AKIP1: variants seen among roughly 807,000 people sequenced by gnomAD.
AKIP1 encodes A-kinase-interacting protein 1.
Under a neutral mutation model 22.3 loss-of-function variants are expected in AKIP1, and 18 were observed. The ratio of observed to expected loss-of-function variants is 0.81; its 90% confidence interval spans 0.56 to 1.19. The LOEUF is 1.19. Among genes scored for constraint, AKIP1 ranks in the 50% most tolerant of loss-of-function variants. The probability of loss-of-function intolerance (pLI) is 0.00; values close to 1 mark genes in which losing one functional copy is unlikely to be tolerated. For synonymous variants in AKIP1, 120 were observed against 102.7 expected (o/e 1.17, Z -1.02); for missense variants, 287 against 264.6 (o/e 1.08, Z -0.59).
chr11:8,912,448 AAT>A lies in AKIP1; in HGVS notation c.223-3_223-2del. 3 of 1,612,570 alleles carry A rather than the reference AAT, an allele frequency of 1.9e-6. No individual in the cohort carries two copies. Among genetic ancestry groups the A allele is most frequent in the Non-Finnish European group, 2.5e-6 (3 of 1,178,550 alleles). ...TAACCTGTGACGTGCCATTTATTCA[AAT>A]AGAGAGAAGAGAGACCCCCAACCCT... is the stretch of plus-strand genomic sequence containing the variant. On this transcript the variant is annotated splice_polypyrimidine_tract_variant and splice_region_variant and intron_variant, in intron 2 of 5. Transcript: ENST00000309377.
intron 5 of AKIP1, chr11:8,917,606 G>C (rs2064506693): frequency 1.9e-6 from 1 of 533,092 alleles, no homozygotes; most frequent in Non-Finnish European, 3.4e-6. Flanking sequence ...AGTTGTGGTT[G>C]GAAAGAATGT....
At position 8,911,225 on chromosome 11, in the gene AKIP1, T is replaced by C. The variant is rs768073181; in HGVS notation, c.-7+2T>C. The C allele has an allele frequency of 4.9e-5, 27 of 545,922 alleles. No individual in the cohort carries two copies. The highest frequency in any genetic ancestry group is 8.4e-5 in the Non-Finnish European group (26 of 308,430). 33.8% of individuals were successfully genotyped at this position (545,922 alleles called of 1,614,324 possible). A position where few individuals can be genotyped will look rare whatever the true frequency, so the allele number is the denominator to read the frequency against. On this transcript the variant is annotated splice_donor_variant, in intron 1 of 5. Coordinates refer to ENST00000309377, the MANE Select transcript of AKIP1 (RefSeq NM_020642.4). LOFTEE classifies it low-confidence loss of function (5UTR_SPLICE). ...CATGCGCCTTGACGAGTGAGCCGGG[T>C]GAGGGGGCTCCCTAAGTAGCGGAAG...
Position 8,912,437 on chromosome 11 carries a change from C to T in AKIP1, c.223-16C>T, listed in dbSNP as rs758649557. ...AATCCTAGAGCTAACCTGTGACGTG[C>T]CATTTATTCAAATAGAGAGAAGAGA... On this transcript the variant is annotated splice_polypyrimidine_tract_variant and intron_variant, in intron 2 of 5. Coordinates refer to ENST00000309377, the MANE Select transcript of AKIP1 (RefSeq NM_020642.4). The T allele has an allele frequency of 4.5e-5, 73 of 1,604,974 alleles. No homozygotes were observed. The Middle Eastern group carries it at 6.6e-4, about 14-fold the overall frequency.
At position 8,919,730 on chromosome 11, in the gene AKIP1, G is replaced by C. The variant is rs977079691; in HGVS notation, c.*250G>C. ...CGGCTCACTGCAAGTTCCGCCTCCC[G>C]GGTTCACACCATTCTCCTGCCTCAG... On this transcript the variant is annotated 3_prime_UTR_variant, in exon 6 of 6. Coordinates refer to ENST00000309377, the MANE Select transcript of AKIP1 (RefSeq NM_020642.4). 1 of 338,622 alleles carries C rather than the reference G, an allele frequency of 3.0e-6. No homozygotes were observed. Among genetic ancestry groups the C allele is most frequent in the Admixed American group, 4.5e-5 (1 of 22,258 alleles). The allele number at this position is 338,622 out of a possible 1,614,324, so 21.0% of individuals were successfully genotyped here. A position where few individuals can be genotyped will look rare whatever the true frequency, so the allele number is the denominator to read the frequency against.
At chr11:8,911,781 A>T in intron 2 of AKIP1, 110 bp downstream of exon 2, 2 of 1,104,254 alleles carry the variant, frequency 1.8e-6, no homozygotes, top group Non-Finnish European at 2.5e-6. Flanking sequence ...CCTTAGCGGA[A>T]GCTGGAAAGG....
Position 8,916,777 on chromosome 11 carries a change from C to T in AKIP1, c.409-510C>T, listed in dbSNP as rs1459907654. On this transcript the variant is annotated intron_variant, in intron 4 of 5. Coordinates refer to ENST00000309377, the MANE Select transcript of AKIP1 (RefSeq NM_020642.4). ...GAACTCTTACCTAAACGCACCTGAC[C>T]CTAAAGGGTGCACTTAGGTACATGT... Among the ~76,000 whole-genome samples, 5 of 152,120 alleles carry T rather than the reference C, an allele frequency of 3.3e-5. 1 individual carries two copies. Among genetic ancestry groups the T allele is most frequent in the Admixed American group, 2.0e-4 (3 of 15,276 alleles).
At position 8,911,532 on chromosome 11, in the gene AKIP1, T is replaced by G; in HGVS notation, c.83T>G (p.Val28Gly). The G allele has an allele frequency of 6.2e-7, 1 of 1,610,454 alleles. No homozygotes were observed. The highest frequency in any genetic ancestry group is 8.5e-7 in the Non-Finnish European group (1 of 1,178,702). The change falls in exon 2 of 6, where the codon GTG becomes GGG. Residue 28 changes from valine to glycine, a missense_variant. Coordinates refer to ENST00000309377, the MANE Select transcript of AKIP1 (RefSeq NM_020642.4). ...LQRSARLALE[V>G]LERAKRRAVD... ...CGTTCAGCAAGGCTGGCTCTAGAAGTGCTGGAGAGGGCCAAGAGGAGGGCG... is the reference window on the plus strand; with the variant it reads ...CGTTCAGCAAGGCTGGCTCTAGAAGGGCTGGAGAGGGCCAAGAGGAGGGCG...
In AKIP1 at chr11:8,919,342, G is replaced by C. The variant is rs528909729; in HGVS notation, c.495G>C (p.Glu165Asp). 2.0e-4 allele frequency: 325 copies of C among 1,612,280 alleles called. 3 individuals carry two copies. The South Asian group carries it at 3.2e-3, about 16-fold the overall frequency. The part of the protein sequence containing the change: ...EHAPEASQPA[E>D]NISKDLYIEV... ...ATATCCTCTTTTCCTTCTAGGCTGA[G>C]AACATCTCTAAGGACCTCTACATAG... Residue 165 changes from glutamate to aspartate, a missense_variant, in exon 6 of 6, where the codon GAG (glutamate) becomes GAC (aspartate). Coordinates refer to ENST00000309377, the MANE Select transcript of AKIP1 (RefSeq NM_020642.4).
At chr11:8,914,753 C>T in intron 3 of AKIP1, 73 bp from the exon 4 acceptor site, 3 of 1,214,034 alleles carry the variant, frequency 2.5e-6, no homozygotes, top group Non-Finnish European at 2.4e-6. Flanking sequence ...TGCACTTTGC[C>T]CAAATATCAG....
chr11:8,913,217 A>G (rs1246490386), intron 3 of AKIP1, among the ~76,000 whole-genome samples: 19 of 124,910 alleles, frequency 1.5e-4, no homozygotes, highest in South Asian at 2.6e-4. Context: ...GTCTCACTCC[A>G]TCACCCAGGC....
At position 8,914,856 on chromosome 11, in the gene AKIP1, G is replaced by T; in HGVS notation, c.334G>T (p.Gly112Trp). 1 of 1,613,896 alleles carries T rather than the reference G, an allele frequency of 6.2e-7. No homozygotes were observed. The highest frequency in any genetic ancestry group is 1.7e-5 in the Admixed American group (1 of 60,016). ...KYYSSVPEEG[G>W]ATHVYRYHRG... Reference sequence around the variant, plus strand: ...TTATTCATCTGTGCCAGAGGAAGGAGGGGCAACCCATGTCTATCGTTATCA... The same window carrying T: ...TTATTCATCTGTGCCAGAGGAAGGATGGGCAACCCATGTCTATCGTTATCA... Residue 112 changes from glycine (G) to tryptophan (W), a missense_variant, in exon 4 of 6, where the codon GGG (glycine) becomes TGG (tryptophan). By Grantham distance (184) the Gly-to-Trp change is radical. Transcript: ENST00000309377.
intron 4 of AKIP1, among the ~76,000 whole-genome samples, chr11:8,916,057 TGATCCGCCTGCCTCGG>T (rs2064481496): frequency 6.6e-6 from 1 of 152,048 alleles, no homozygotes; most frequent in South Asian, 2.1e-4. Context: ...CCCGACCTCG[TGATCCGCCTGCCTCGG>T]CCTCCCAAAG....
At chr11:8,918,942 C>T (rs995317551) in intron 5 of AKIP1, among the ~76,000 whole-genome samples, 1 of 152,158 alleles carries the variant, frequency 6.6e-6, no homozygotes, top group African/African-American at 2.4e-5. Flanking sequence ...CTCATCACTC[C>T]CGAGTACCTT....
rs1286853605 is a variant in AKIP1 at position 8,919,502 on chromosome 11, C to T, written c.*22C>T. ...GTGATGTTGACCATCACTGCCATCA[C>T]ATCACCTTTTTTTAAGTAGTAAGAA... On this transcript the variant is annotated 3_prime_UTR_variant, in exon 6 of 6. Coordinates refer to ENST00000309377, the MANE Select transcript of AKIP1 (RefSeq NM_020642.4). The T allele has an allele frequency of 3.1e-6, 5 of 1,609,174 alleles. No individual in the cohort carries two copies. The highest frequency in any genetic ancestry group is 4.2e-6 in the Non-Finnish European group (5 of 1,178,276).
At chr11:8,912,691 TCCAAGTTAGAATTCAC>T (rs909712065) in intron 3 of AKIP1, among the ~76,000 whole-genome samples, 158 bp downstream of exon 3, 3 of 152,056 alleles carry the variant, frequency 2.0e-5, no homozygotes, top group African/African-American at 4.8e-5. Flanking sequence ...AGGGGGTAAA[TCCAAGTTAGAATTCAC>T]CCAATAAATG....
intron 4 of AKIP1, among the ~76,000 whole-genome samples, chr11:8,916,370 C>T (rs2064486294): frequency 6.6e-6 from 1 of 152,228 alleles, no homozygotes; most frequent in Non-Finnish European, 1.5e-5. Flanking sequence ...TCACTACAAA[C>T]TTACCTTTTA....
chr11:8,911,632 A>G lies in AKIP1; in HGVS notation c.183A>G (p.Lys61=). 3.8e-6 allele frequency: 6 copies of G among 1,587,574 alleles called. No individual in the cohort carries two copies. Among genetic ancestry groups the G allele is most frequent in the South Asian group, 1.1e-5 (1 of 88,000 alleles). Residue 61 remains lysine (K), a synonymous_variant, in exon 2 of 6, where the codon AAA becomes AAG. Coordinates refer to ENST00000309377, the MANE Select transcript of AKIP1 (RefSeq NM_020642.4). The part of the protein sequence containing the change: ...VLAREAPHLE[K]QPAAGPQRVL... ...CCCGGGAGGCGCCCCACCTAGAGAAACAGCCGGCAGCCGGCCCGCAGCGCG... is the reference window on the plus strand; with the variant it reads ...CCCGGGAGGCGCCCCACCTAGAGAAGCAGCCGGCAGCCGGCCCGCAGCGCG...
chr11:8,911,668 A>G lies in AKIP1; in HGVS notation c.219A>G (p.Gly73=), dbSNP rs780605091. 1.3e-6 allele frequency: 2 copies of G among 1,548,216 alleles called. No individual in the cohort carries two copies. The highest frequency in any genetic ancestry group is 2.5e-5 in the South Asian group (2 of 80,574). Residue 73 remains glycine, a synonymous_variant, in exon 2 of 6, where the codon GGA becomes GGG. Coordinates refer to ENST00000309377, the MANE Select transcript of AKIP1 (RefSeq NM_020642.4). ...PAAGPQRVLP[G]EREERPPTLS... ...CCGGCCCGCAGCGCGTTCTCCCGGG[A>G]GAGGTGAGGGTCGCTGTGCCGGGGG...
chr11:8,912,964 T>A (rs1190446713), intron 3 of AKIP1, among the ~76,000 whole-genome samples: 1 of 132,828 alleles, frequency 7.5e-6, no homozygotes, highest in Admixed American at 9.1e-5. Flanking sequence ...AAGCTCTCCC[T>A]CCTGGGTTCA....
Sources: gnomAD v4.1 joint callset for allele counts (sites outside exome capture counted in the v4.1 genomes callset) on GRCh38, gnomAD v4.1.1 for gene constraint, MANE v1.5 for transcripts, NCBI Gene and HGNC (gene_info 2026-07-23, HGNC 2026-07-21) for gene names.